Variants in DHRS7B observed in about 807,000 individuals in gnomAD.
DHRS7B encodes dehydrogenase/reductase 7B, also known as peroxisomal reductase activating PPAR-gamma.
A neutral mutation model predicts 26.4 loss-of-function variants in DHRS7B; 24 were observed. The ratio of observed to expected loss-of-function variants is 0.91; its 90% confidence interval spans 0.66 to 1.28. The LOEUF (loss-of-function observed/expected upper bound fraction) is 1.28, where lower values mean the gene tolerates loss of function less well. Among genes scored for constraint, DHRS7B ranks in the 50% most tolerant of loss-of-function variants. The probability of loss-of-function intolerance (pLI) is 0.00; values close to 1 mark genes in which losing one functional copy is unlikely to be tolerated. For synonymous variants in DHRS7B, 142 were observed against 166.4 expected (o/e 0.85, Z 1.13); for missense variants, 368 against 419.4 (o/e 0.88, Z 1.07).
intron 1 of DHRS7B, among the ~76,000 whole-genome samples, chr17:21,148,423 G>C (rs554161649): frequency 6.6e-6 from 1 of 152,242 alleles, no homozygotes; most frequent in South Asian, 2.1e-4. Context: ...GGATCAAGCA[G>C]AGGAAAGAAT....
In DHRS7B at chr17:21,188,903, G is replaced by A. The variant is rs746556079; in HGVS notation, c.772+40G>A. ...CTCTTTTCTCCTATGAAAATCTGTC[G>A]GTCAGCCACAGTGAGACATGCTGCT... On this transcript the variant is annotated intron_variant, in intron 6 of 6. Transcript: ENST00000395511. 8.7e-6 allele frequency: 14 copies of A among 1,612,460 alleles called. 1 individual carries two copies. The South Asian group carries it at 8.8e-5, about 10-fold the overall frequency.
intron 1 of DHRS7B, among the ~76,000 whole-genome samples, chr17:21,161,074 C>G (rs114429484): frequency 0.019 from 2,964 of 152,240 alleles, 112 homozygotes; most frequent in African/African-American, 0.068. Context: ...AGGTGGAGCA[C>G]AGAGGATTTT....
At chr17:21,169,078 G>A (rs1249180372) in intron 1 of DHRS7B, among the ~76,000 whole-genome samples, 1 of 152,192 alleles carries the variant, frequency 6.6e-6, no homozygotes, top group Admixed American at 6.6e-5. Context: ...TTTAGTACCT[G>A]TCTGCTCTCT....
chr17:21,158,874 TAG>T (rs1046642320), intron 1 of DHRS7B, among the ~76,000 whole-genome samples: 12 of 150,418 alleles, frequency 8.0e-5, no homozygotes, highest in Non-Finnish European at 1.6e-4. Flanking sequence ...AGCCCAGAAA[TAG>T]ACTCACATAA....
At chr17:21,188,295 C>G (rs897107477) in intron 5 of DHRS7B, among the ~76,000 whole-genome samples, 1 of 151,804 alleles carries the variant, frequency 6.6e-6, no homozygotes. Context: ...GCATATATAC[C>G]GTTTATAATA....
At chr17:21,138,101 TACACACACACACAC>T (rs370861401) in intron 1 of DHRS7B, among the ~76,000 whole-genome samples, 1 of 86,146 alleles carries the variant, frequency 1.2e-5, no homozygotes, top group Non-Finnish European at 2.0e-5. Context: ...TATATATATA[TACACACACACACAC>T]ACACACACAC....
intron 2 of DHRS7B, among the ~76,000 whole-genome samples, chr17:21,173,284 G>C (rs1396082675): frequency 1.3e-5 from 2 of 152,260 alleles, no homozygotes; most frequent in South Asian, 4.1e-4. Flanking sequence ...CTTGTGCTAA[G>C]CACTTTTACA....
chr17:21,186,743 G>C (rs1029157292), intron 5 of DHRS7B, among the ~76,000 whole-genome samples: 7 of 152,228 alleles, frequency 4.6e-5, no homozygotes, highest in African/African-American at 1.7e-4. Context: ...TAGGGTCACT[G>C]TGTTCCCATT....
chr17:21,176,708 A>G (rs1007303282), intron 2 of DHRS7B, among the ~76,000 whole-genome samples: 2 of 151,850 alleles, frequency 1.3e-5, no homozygotes, highest in African/African-American at 4.8e-5. Flanking sequence ...AACTCATTCA[A>G]TCTCACGGTC....
At chr17:21,152,788 A>T (rs531638904) in intron 1 of DHRS7B, among the ~76,000 whole-genome samples, 1 of 152,266 alleles carries the variant, frequency 6.6e-6, no homozygotes, top group African/African-American at 2.4e-5. Context: ...GAAAATTAAT[A>T]CCCAACTCCA....
intron 1 of DHRS7B, among the ~76,000 whole-genome samples, chr17:21,150,102 A>C (rs1973729745): frequency 2.4e-5 from 2 of 81,784 alleles, no homozygotes; most frequent in African/African-American, 1.0e-4. Flanking sequence ...CTCCATCTCT[A>C]TTTAAAAAAA....
chr17:21,134,491 A>G (rs1319764995), intron 1 of DHRS7B, among the ~76,000 whole-genome samples: 2 of 152,186 alleles, frequency 1.3e-5, no homozygotes, highest in African/African-American at 4.8e-5. Flanking sequence ...ACCACAGGTC[A>G]GAAACCCTGT....
chr17:21,148,239 A>G (rs929661933), intron 1 of DHRS7B, among the ~76,000 whole-genome samples: 1 of 152,058 alleles, frequency 6.6e-6, no homozygotes, highest in Non-Finnish European at 1.5e-5. Context: ...TTAAAAAAAG[A>G]ATTCAAAATA....
intron 5 of DHRS7B, among the ~76,000 whole-genome samples, chr17:21,188,002 C>T (rs1374811678): frequency 2.0e-5 from 3 of 152,118 alleles, no homozygotes; most frequent in African/African-American, 7.2e-5. Flanking sequence ...GCACCCGCCA[C>T]CAAGCCTGGC....
chr17:21,178,187 G>A (rs1405427453), intron 2 of DHRS7B, 46 bp from the exon 3 acceptor site: 2 of 1,569,036 alleles, frequency 1.3e-6, no homozygotes, highest in African/African-American at 1.4e-5. Flanking sequence ...TAAACTGAAC[G>A]GCACTGAGGA....
At chr17:21,146,702 T>A (rs1292440981) in intron 1 of DHRS7B, among the ~76,000 whole-genome samples, 1 of 152,194 alleles carries the variant, frequency 6.6e-6, no homozygotes, top group Non-Finnish European at 1.5e-5. Flanking sequence ...CAAGTCAGAC[T>A]TGAATTTAAA....
intron 2 of DHRS7B, among the ~76,000 whole-genome samples, chr17:21,172,826 G>A (rs1974290241): frequency 6.6e-6 from 1 of 152,202 alleles, no homozygotes; most frequent in Non-Finnish European, 1.5e-5. Context: ...TGGTGTACCG[G>A]GACCCTGGCC....
intron 1 of DHRS7B, among the ~76,000 whole-genome samples, chr17:21,150,603 C>A (rs1418886405): frequency 6.6e-6 from 1 of 152,110 alleles, no homozygotes; most frequent in African/African-American, 2.4e-5. Flanking sequence ...GGCAAAAGAG[C>A]AAAACTCCGT....
At chr17:21,159,099 T>C (rs12232484) in intron 1 of DHRS7B, among the ~76,000 whole-genome samples, 54,089 of 152,072 alleles carry the variant, frequency 0.36, 10,663 homozygotes, top group Non-Finnish European at 0.44. Flanking sequence ...ACCTCGGGTA[T>C]GGTGGTGACT....
Sources: gnomAD v4.1 joint callset for allele counts (sites outside exome capture counted in the v4.1 genomes callset) on GRCh38, gnomAD v4.1.1 for gene constraint, MANE v1.5 for transcripts, NCBI Gene and HGNC (gene_info 2026-07-23, HGNC 2026-07-21) for gene names.